Variants in RSPO2 observed in about 807,000 individuals in gnomAD.
RSPO2 encodes the protein R-spondin-2.
In RSPO2, 14 loss-of-function variants were observed where a neutral mutation model predicts 30.9. The observed-to-expected ratio is 0.45, with a 90% CI of 0.30 to 0.71. RSPO2 has a LOEUF of 0.71. Ranked by LOEUF, RSPO2 falls within the 30% of genes least tolerant of loss-of-function variation. The pLI is 0.08. For missense variants in RSPO2, 264 were observed against 301.9 expected (o/e 0.87, Z 0.93); for synonymous variants, 107 against 96.4 (o/e 1.11, Z -0.64).
chr8:107,953,789 G>A (rs1434177861), intron 5 of RSPO2, among the ~76,000 whole-genome samples: 2 of 152,062 alleles, frequency 1.3e-5, no homozygotes, highest in African/African-American at 2.4e-5. Context: ...AATCAAGGAT[G>A]CTCCAAAAAA....
intron 5 of RSPO2, among the ~76,000 whole-genome samples, chr8:107,956,663 T>C (rs1813443957): frequency 6.6e-6 from 1 of 152,144 alleles, no homozygotes; most frequent in African/African-American, 2.4e-5. Flanking sequence ...GCATTTTCAG[T>C]TTAATTTTTT....
intron 5 of RSPO2, among the ~76,000 whole-genome samples, chr8:107,903,391 T>TAACTCACA (rs1811540211): frequency 6.6e-6 from 1 of 152,164 alleles, no homozygotes; most frequent in African/African-American, 2.4e-5. Flanking sequence ...GTTAAATATG[T>TAACTCACA]ACTACTTTCA....
chr8:108,072,427 G>A (rs550531096), intron 2 of RSPO2, among the ~76,000 whole-genome samples: 3 of 142,080 alleles, frequency 2.1e-5, no homozygotes, highest in South Asian at 4.6e-4. Flanking sequence ...CCGGGTTCAC[G>A]CCATTCTCCT....
chr8:107,985,880 A>G (rs1337835529), intron 3 of RSPO2, among the ~76,000 whole-genome samples: 2 of 152,158 alleles, frequency 1.3e-5, no homozygotes, highest in East Asian at 3.8e-4. Context: ...TAAGCTTCAT[A>G]CTGTCTGCAC....
chr8:107,966,477 A>C, intron 3 of RSPO2, among the ~76,000 whole-genome samples: 1 of 152,168 alleles, frequency 6.6e-6, no homozygotes, highest in East Asian at 1.9e-4. Flanking sequence ...CGTTTTCAGA[A>C]AGTTAACCTT....
chr8:107,989,118 C>T lies in RSPO2; in HGVS notation c.221G>A (p.Cys74Tyr). The part of the protein sequence containing the change: ...RREGMRQYGE[C>Y]LHSCPSGYYG... ...GTACCCGGATGGGCAGGAATGCAGG[C>T]ACTCTCCATACTGGCGCATCCCTTC... The change falls in exon 3 of 6, where the codon TGC becomes TAC. Residue 74 changes from cysteine (C) to tyrosine (Y), a missense_variant. Physicochemically the swap from Cys to Tyr is radical, Grantham distance 194. Transcript: ENST00000276659. The T allele has an allele frequency of 6.2e-7, 1 of 1,611,176 alleles. No homozygotes were observed. The highest frequency in any genetic ancestry group is 1.1e-5 in the South Asian group (1 of 90,576).
rs61697128 is a variant in RSPO2, at chr8:107,963,522, CAAAAAAAAAAA to C, written c.284-2716_284-2706del. On this transcript the variant is annotated intron_variant, in intron 3 of 5. Transcript: ENST00000276659. ...TTAGGCAATGAAGTGAGACCTGTCT[CAAAAAAAAAAA>C]AAAAAAAAAAAAAAAAAGGCAGGTT... 2.2e-4 allele frequency among the ~76,000 whole-genome samples: 7 copies of C among 32,022 alleles called. 1 individual carries two copies. The East Asian group carries it at 4.6e-3, about 21-fold the overall frequency. 21.0% of individuals were successfully genotyped at this position (32,022 alleles called of 152,430 possible). A position where few individuals can be genotyped will look rare whatever the true frequency, so the allele number is the denominator to read the frequency against.
At chr8:108,055,806 A>G (rs1239552586) in intron 2 of RSPO2, among the ~76,000 whole-genome samples, 1 of 152,174 alleles carries the variant, frequency 6.6e-6, no homozygotes, top group Non-Finnish European at 1.5e-5. Context: ...AAAATTATCA[A>G]TGGCTCAAGG....
rs144125531 is a variant in RSPO2 at position 107,951,689 on chromosome 8, G to C, written c.616+6391C>G. Among the ~76,000 whole-genome samples the C allele has an allele frequency of 3.4e-3, 513 of 152,172 alleles. 20 individuals carry two copies. In the South Asian group the frequency reaches 0.082, roughly 24 times the overall value. On this transcript the variant is annotated intron_variant, in intron 5 of 5. Coordinates refer to ENST00000276659, the MANE Select transcript of RSPO2 (RefSeq NM_178565.5). Reference sequence around the variant, plus strand: ...CAGAGATTCCAGATGGGAAGCTGTAGAGAACAGCACAAAGGTGTGTCTTCC... The same window carrying C: ...CAGAGATTCCAGATGGGAAGCTGTACAGAACAGCACAAAGGTGTGTCTTCC...
At chr8:108,007,902 T>C (rs1815504899) in intron 2 of RSPO2, among the ~76,000 whole-genome samples, 1 of 151,844 alleles carries the variant, frequency 6.6e-6, no homozygotes, top group African/African-American at 2.4e-5. Flanking sequence ...ATTAGGCCTG[T>C]GAATAGCCAC....
intron 3 of RSPO2, among the ~76,000 whole-genome samples, chr8:107,981,198 C>T (rs1236413811): frequency 6.6e-6 from 1 of 150,410 alleles, no homozygotes; most frequent in East Asian, 1.9e-4. Context: ...TTTTTTTTTC[C>T]CCAAATGCAT....
intron 2 of RSPO2, among the ~76,000 whole-genome samples, chr8:108,075,299 G>T (rs987900861): frequency 2.6e-5 from 4 of 152,116 alleles, no homozygotes; most frequent in Non-Finnish European, 4.4e-5. Context: ...TGGCCAACAT[G>T]GCAAAACCCC....
At chr8:108,016,888 A>C (rs1267668667) in intron 2 of RSPO2, among the ~76,000 whole-genome samples, 1 of 151,968 alleles carries the variant, frequency 6.6e-6, no homozygotes, top group South Asian at 2.1e-4. Context: ...AAATCTTCCT[A>C]AGGCCTCCCC....
intron 5 of RSPO2, among the ~76,000 whole-genome samples, chr8:107,949,732 A>G (rs1047344265): frequency 5.9e-5 from 9 of 152,216 alleles, no homozygotes; most frequent in Non-Finnish European, 1.3e-4. Context: ...TGGGAAGTTG[A>G]GAGGAGGCTA....
At chr8:107,953,695 T>C (rs192917391) in intron 5 of RSPO2, among the ~76,000 whole-genome samples, 153 of 152,284 alleles carry the variant, frequency 1.0e-3, no homozygotes, top group Non-Finnish European at 1.7e-3. Flanking sequence ...GTTCTACCAC[T>C]AGTAACTTGT....
At chr8:108,020,137 A>T (rs1450949956) in intron 2 of RSPO2, among the ~76,000 whole-genome samples, 1 of 151,516 alleles carries the variant, frequency 6.6e-6, no homozygotes, top group Non-Finnish European at 1.5e-5. Context: ...TCTCCAGGAG[A>T]TGCCTTCTTA....
intron 5 of RSPO2, among the ~76,000 whole-genome samples, chr8:107,916,078 T>C (rs1216095577): frequency 2.6e-5 from 4 of 152,216 alleles, no homozygotes; most frequent in Non-Finnish European, 2.9e-5. Context: ...GTGTTGTATA[T>C]GTGATGTTTA....
chr8:107,927,461 C>G (rs1403894426), intron 5 of RSPO2, among the ~76,000 whole-genome samples: 1 of 152,152 alleles, frequency 6.6e-6, no homozygotes, highest in Non-Finnish European at 1.5e-5. Context: ...GAGAGGGCAT[C>G]CCTGTCTTGT....
At chr8:107,996,241 G>A (rs1014673195) in intron 2 of RSPO2, among the ~76,000 whole-genome samples, 1 of 152,088 alleles carries the variant, frequency 6.6e-6, no homozygotes, top group African/African-American at 2.4e-5. Flanking sequence ...CATTTTCAGG[G>A]TTGTCCAAGA....
Sources: allele counts gnomAD v4.1 joint callset (sites outside exome capture counted in the v4.1 genomes callset), GRCh38; gene constraint gnomAD v4.1.1; transcripts MANE v1.5; gene names NCBI Gene and HGNC (gene_info 2026-07-23, HGNC 2026-07-21).